Variants in MOV10 observed in about 807,000 individuals in gnomAD.
The protein encoded by MOV10 is RNA helicase MOV-10.
In MOV10, 39 loss-of-function variants were observed where a neutral mutation model predicts 108.4. The ratio of observed to expected loss-of-function variants is 0.36; its 90% CI spans 0.28 to 0.47. The LOEUF (loss-of-function observed/expected upper bound fraction) is 0.47, where lower values mean the gene tolerates loss of function less well. Among genes scored for constraint, MOV10 ranks in the 20% least tolerant of loss-of-function variants. MOV10 has a pLI of 1.00. For synonymous variants in MOV10, 490 were observed against 523.1 expected (o/e 0.94, Z 0.86); for missense variants, 952 against 1,297.6 (o/e 0.73, Z 4.09).
rs372004097 is a variant in MOV10, at chr1:112,680,709, T to C, written c.137+5660T>C. Among the ~76,000 whole-genome samples the C allele has an allele frequency of 1.3e-3, 168 of 133,706 alleles. 4 individuals carry two copies. In the East Asian group the frequency reaches 0.02, roughly 16 times the overall value. 87.7% of individuals were successfully genotyped at this position (133,706 alleles called of 152,430 possible). A position where few individuals can be genotyped will look rare whatever the true frequency, so the allele number is the denominator to read the frequency against. The stretch of plus-strand genomic sequence containing the variant: ...GGTGATCACCTTTTCATTTATCTCT[T>C]TTTTTTTTTTTTTTTTTAAATCTCT... On this transcript the variant is annotated intron_variant, in intron 2 of 20. Coordinates refer to ENST00000369645, the MANE Select transcript of MOV10 (RefSeq NM_001321324.2).
At position 112,700,617 on chromosome 1, in the gene MOV10, G is replaced by A; in HGVS notation, c.*110G>A. On this transcript the variant is annotated 3_prime_UTR_variant, in exon 21 of 21. Coordinates refer to ENST00000369645, the MANE Select transcript of MOV10 (RefSeq NM_001321324.2). ...CAAGGGACAGGAAGGCTGGGGGAGG[G>A]AGTTTACAACCCAAGCCATTCCACC... is the stretch of plus-strand genomic sequence containing the variant. 1 of 1,552,116 alleles carries A rather than the reference G, an allele frequency of 6.4e-7. No individual in the cohort carries two copies. The highest frequency in any genetic ancestry group is 8.7e-7 in the Non-Finnish European group (1 of 1,148,768).
chr1:112,698,310 C>T lies in MOV10; in HGVS notation c.2340C>T (p.Gly780=). The T allele has an allele frequency of 7.4e-6, 12 of 1,613,960 alleles. No homozygotes were observed. Among genetic ancestry groups the T allele is most frequent in the Non-Finnish European group, 1.0e-5 (12 of 1,179,880 alleles). The part of the protein sequence containing the change: ...PRQGFPIIFH[G]VMGKDEREGN... ...AGGGCTTTCCCATCATCTTTCACGGCGTAATGGGCAAAGATGAGCGTGAAG... is the reference window on the plus strand; with the variant it reads ...AGGGCTTTCCCATCATCTTTCACGGTGTAATGGGCAAAGATGAGCGTGAAG... The change falls in exon 16 of 21, where the codon GGC becomes GGT. Residue 780 remains glycine, a synonymous_variant. Coordinates refer to ENST00000369645, the MANE Select transcript of MOV10 (RefSeq NM_001321324.2).
chr1:112,697,425 G>A (rs1674204851), intron 14 of MOV10, among the ~76,000 whole-genome samples: 2 of 152,112 alleles, frequency 1.3e-5, no homozygotes, highest in Admixed American at 6.5e-5. Context: ...AGCTGAGATC[G>A]CGCTACTGCA....
chr1:112,698,887 G>C lies in MOV10; in HGVS notation c.2583+98G>C. On this transcript the variant is annotated intron_variant, in intron 17 of 20. Transcript: ENST00000369645. ...AGCTTCCACTCCAGCCCACGTCCCC[G>C]TCCCACCCCTGCTGCCTTGAATAGA... 8.0e-6 allele frequency: 8 copies of C among 1,004,818 alleles called. No individual in the cohort carries two copies. In the South Asian group the frequency reaches 1.1e-4, roughly 13 times the overall value. 62.2% of individuals were successfully genotyped at this position (1,004,818 alleles called of 1,614,324 possible). A position where few individuals can be genotyped will look rare whatever the true frequency, so the allele number is the denominator to read the frequency against.
intron 2 of MOV10, chr1:112,688,452 A>G (rs1182654803): frequency 1.0e-6 from 1 of 1,003,182 alleles, no homozygotes; most frequent in Non-Finnish European, 1.2e-6. Context: ...ACACACTTGG[A>G]CATCTGTACT....
intron 3 of MOV10, 59 bp downstream of exon 3, chr1:112,689,197 GCTAT>G (rs1413500504): frequency 4.0e-6 from 6 of 1,485,212 alleles, no homozygotes; most frequent in African/African-American, 2.8e-5. Flanking sequence ...AGGGAAGGGG[GCTAT>G]CTGTGTGAGG....
In MOV10 at chr1:112,694,923, C is replaced by T. The variant is rs189514390; in HGVS notation, c.1620+27C>T. ...TGGGGTCTGAGCACAAACCTGGGGC[C>T]TGCACTCTGATTCCCCCAGCACCAA... On this transcript the variant is annotated intron_variant, in intron 10 of 20. Transcript: ENST00000369645. This position sits in a 1 kb window ranked among gnomAD's most constrained non-coding sequence, Gnocchi z 4.1. The T allele has an allele frequency of 6.2e-7, 1 of 1,603,098 alleles. No homozygotes were observed. Among genetic ancestry groups the T allele is most frequent in the East Asian group, 2.2e-5 (1 of 44,622 alleles).
chr1:112,699,010 A>G (rs1674373665), intron 17 of MOV10: 1 of 560,540 alleles, frequency 1.8e-6, no homozygotes, highest in Admixed American at 3.2e-5. Flanking sequence ...ACCTCCTGTC[A>G]TTCTTAGACT....
At chr1:112,690,546 C>G (rs922757249) in intron 5 of MOV10, among the ~76,000 whole-genome samples, 2 of 151,842 alleles carry the variant, frequency 1.3e-5, no homozygotes, top group East Asian at 1.9e-4. Flanking sequence ...TTTTAGTAGA[C>G]ATGGGGTTTC....
chr1:112,684,238 G>A (rs1217671779), intron 2 of MOV10, among the ~76,000 whole-genome samples: 1 of 150,406 alleles, frequency 6.6e-6, no homozygotes. Flanking sequence ...TTAGAGGCGT[G>A]AGCCACCATG....
chr1:112,676,152 G>A lies in MOV10; in HGVS notation c.137+1103G>A, dbSNP rs139816197. Among the ~76,000 whole-genome samples the A allele has an allele frequency of 3.1e-3, 465 of 152,316 alleles. 4 individuals are homozygous for A. The highest frequency in any genetic ancestry group is 0.011 in the African/African-American group (437 of 41,558). ...TCTGAGAAGGGGCAAAGATGATGAG[G>A]CCCTGTTTTATGTCACCATGCTGGA... On this transcript the variant is annotated intron_variant, in intron 2 of 20. Coordinates refer to ENST00000369645, the MANE Select transcript of MOV10 (RefSeq NM_001321324.2).
chr1:112,674,622 G>T, upstream of MOV10: 1 of 279,604 alleles, frequency 3.6e-6, no homozygotes. Flanking sequence ...CCAGGGGAGG[G>T]AGCTTGGGGT....
chr1:112,695,254 T>G (rs1366453265), intron 10 of MOV10, among the ~76,000 whole-genome samples, 162 bp from the exon 11 acceptor site: 1 of 152,038 alleles, frequency 6.6e-6, no homozygotes, highest in African/African-American at 2.4e-5. Flanking sequence ...AGTGGGAAGT[T>G]AGGGTAAATG....
chr1:112,690,445 C>T (rs1026139546), intron 5 of MOV10, among the ~76,000 whole-genome samples: 8 of 152,090 alleles, frequency 5.3e-5, no homozygotes, highest in Admixed American at 1.3e-4. Context: ...CTGCAACCTC[C>T]GCCTCCTGGG....
At position 112,692,732 on chromosome 1, in the gene MOV10, C is replaced by G. The variant is rs535002386; in HGVS notation, c.972-29C>G. On this transcript the variant is annotated intron_variant, in intron 6 of 20. Coordinates refer to ENST00000369645, the MANE Select transcript of MOV10 (RefSeq NM_001321324.2). ...GTCTGGCCCATCCTGTTCCTGCCCC[C>G]ACTCACCCCTCCCAACCATCATTTC... 1.1e-5 allele frequency: 18 copies of G among 1,611,992 alleles called. No homozygotes were observed. In the East Asian group the frequency reaches 3.3e-4, roughly 30 times the overall value.
rs756074804 is a variant in MOV10, at chr1:112,698,495, C to T, written c.2508+17C>T. 6.2e-7 allele frequency: 1 copy of T among 1,611,550 alleles called. No homozygotes were observed. The highest frequency in any genetic ancestry group is 8.5e-7 in the Non-Finnish European group (1 of 1,178,912). On this transcript the variant is annotated intron_variant, in intron 16 of 20. Transcript: ENST00000369645. ...CGGAAACAGGTCAGGTCCTCAGTTA[C>T]CAGCAAGGGTGGGGCCCCTCCCCCA... is the stretch of plus-strand genomic sequence containing the variant.
At chr1:112,676,803 T>C (rs1288356988) in intron 2 of MOV10, among the ~76,000 whole-genome samples, 1 of 152,098 alleles carries the variant, frequency 6.6e-6, no homozygotes, top group Non-Finnish European at 1.5e-5. Context: ...CTGAACTAGG[T>C]GGGCCTAAGA....
chr1:112,675,142 G>T lies in MOV10; in HGVS notation c.137+93G>T, dbSNP rs1013194562. ...GCCACCTTTCCCGCCCCGGGGCGCAGAGGGACGCAGCTCCCCCAGCGGCTC... is the reference window on the plus strand; with the variant it reads ...GCCACCTTTCCCGCCCCGGGGCGCATAGGGACGCAGCTCCCCCAGCGGCTC... On this transcript the variant is annotated intron_variant, in intron 2 of 20. Transcript: ENST00000369645. This position sits in a 1 kb window ranked among gnomAD's most constrained non-coding sequence, Gnocchi z 4.7. 8.9e-6 allele frequency: 13 copies of T among 1,455,956 alleles called. No homozygotes were observed. The highest frequency in any genetic ancestry group is 4.5e-5 in the African/African-American group (3 of 67,344). The allele number at this position is 1,455,956 out of a possible 1,614,324, so 90.2% of individuals were successfully genotyped here.
At chr1:112,696,043 T>TAA (rs71584764) in intron 11 of MOV10, 105 bp from the exon 12 acceptor site, 24 of 793,084 alleles carry the variant, frequency 3.0e-5, no homozygotes, top group Admixed American at 4.6e-5. Context: ...CCGTCTCAAT[T>TAA]AAAAAAAATA....
Sources: gnomAD v4.1 joint callset for allele counts (sites outside exome capture counted in the v4.1 genomes callset) on GRCh38, gnomAD v4.1.1 for gene constraint, Gnocchi (gnomAD v3.1) non-coding constraint, MANE v1.5 for transcripts, NCBI Gene and HGNC (gene_info 2026-07-23, HGNC 2026-07-21) for gene names.